Variants in ARMC2 observed in about 807,000 individuals in gnomAD.
The protein encoded by ARMC2 is armadillo repeat containing 2, also known as armadillo repeat-containing protein 2.
Under a neutral mutation model 90.3 loss-of-function variants are expected in ARMC2, and 67 were observed. That is an observed-to-expected ratio of 0.74 (90% CI 0.61 to 0.91). ARMC2 has a LOEUF of 0.91. Ranked by LOEUF, ARMC2 falls within the 40% of genes least tolerant of loss-of-function variation. The pLI is 0.00. For synonymous variants in ARMC2, 393 were observed against 393.0 expected, an observed-to-expected ratio of 1.00 and a Z score of 0.00; for missense variants, 920 against 1,030.9, an observed-to-expected ratio of 0.89 and a Z score of 1.47.
At chr6:108,870,451 GTCCC>G (rs1776264834) in intron 4 of ARMC2, among the ~76,000 whole-genome samples, 1 of 151,746 alleles carries the variant, frequency 6.6e-6, no homozygotes, top group South Asian at 2.1e-4. Flanking sequence ...TGCCTGTGTG[GTCCC>G]TGATGTGGCT....
chr6:108,990,747 G>A, the ARMC2 span: 1 of 1,613,878 alleles, frequency 6.2e-7, no homozygotes, highest in African/African-American at 1.3e-5. Flanking sequence ...AAGATTGTAA[G>A]CAATGTGAAA....
At chr6:108,854,571 A>G in intron 2 of ARMC2, 86 bp downstream of exon 2, 1 of 1,324,394 alleles carries the variant, frequency 7.6e-7, no homozygotes, top group Non-Finnish European at 1.1e-6. Flanking sequence ...GTTAGCTTTT[A>G]AAAATAGACT....
chr6:108,975,150 C>T (rs1241667291), downstream of ARMC2, among the ~76,000 whole-genome samples: 2 of 151,880 alleles, frequency 1.3e-5, no homozygotes, highest in African/African-American at 4.8e-5. Flanking sequence ...TGCTGTCCCT[C>T]CCCTAGCCCC....
the ARMC2 span, chr6:109,009,127 G>C: frequency 1.4e-6 from 1 of 691,272 alleles, no homozygotes; most frequent in Non-Finnish European, 2.0e-6. Context: ...GCCCAGGGAC[G>C]ACTCACGGTG....
chr6:108,878,187 G>A (rs1032146128), intron 5 of ARMC2, among the ~76,000 whole-genome samples: 9 of 152,190 alleles, frequency 5.9e-5, no homozygotes, highest in African/African-American at 2.2e-4. Flanking sequence ...CTTGATAATT[G>A]TTTCTTGTAA....
At chr6:109,003,031 G>A in the ARMC2 span, among the ~76,000 whole-genome samples, 3 of 151,978 alleles carry the variant, frequency 2.0e-5, no homozygotes, top group South Asian at 6.2e-4. Flanking sequence ...TTGACACAGT[G>A]ACTCTAGAAT....
chr6:108,961,478 G>A, intron 13 of ARMC2, 94 bp from the exon 14 acceptor site: 2 of 1,386,152 alleles, frequency 1.4e-6, no homozygotes, highest in South Asian at 1.4e-5. Flanking sequence ...CGTGATCGCA[G>A]CCGGCTCCTG....
intron 10 of ARMC2, among the ~76,000 whole-genome samples, chr6:108,912,999 G>C (rs1487556651): frequency 6.6e-6 from 1 of 152,134 alleles, no homozygotes; most frequent in Non-Finnish European, 1.5e-5. Flanking sequence ...CACTGAGGTG[G>C]GTATGTAGAT....
chr6:109,031,995 T>A, the ARMC2 span, among the ~76,000 whole-genome samples: 2 of 152,226 alleles, frequency 1.3e-5, no homozygotes, highest in African/African-American at 4.8e-5. Flanking sequence ...GTAAATAATT[T>A]TGGCATAAAT....
chr6:108,917,293 A>G (rs541719053), intron 10 of ARMC2, among the ~76,000 whole-genome samples: 1 of 151,722 alleles, frequency 6.6e-6, no homozygotes, highest in Non-Finnish European at 1.5e-5. Context: ...ACACCTCCCT[A>G]GCAGCTCCCG....
intron 10 of ARMC2, among the ~76,000 whole-genome samples, chr6:108,918,674 A>G (rs140709273): frequency 1.3e-4 from 20 of 152,234 alleles, no homozygotes; most frequent in African/African-American, 4.8e-4. Flanking sequence ...AGCCCCCAGC[A>G]TAAGCTGGCC....
chr6:109,025,448 T>C, the ARMC2 span, among the ~76,000 whole-genome samples: 1 of 151,196 alleles, frequency 6.6e-6, no homozygotes, highest in African/African-American at 2.4e-5. Flanking sequence ...AAAAGTACTA[T>C]GCAAAAAGAT....
chr6:108,998,045 G>A, the ARMC2 span, among the ~76,000 whole-genome samples: 2 of 152,156 alleles, frequency 1.3e-5, no homozygotes, highest in Admixed American at 6.5e-5. Flanking sequence ...GAATTCTGAA[G>A]AGAGAAATTT....
At chr6:108,881,009 C>T (rs574479236) in intron 5 of ARMC2, among the ~76,000 whole-genome samples, 53 of 152,146 alleles carry the variant, frequency 3.5e-4, no homozygotes, top group African/African-American at 1.2e-3. Context: ...GCATGTGCCA[C>T]CACGCCAAGC....
At position 108,854,359 on chromosome 6, in the gene ARMC2, G is replaced by A. The variant is rs1414009196; in HGVS notation, c.92G>A (p.Ser31Asn). 1.2e-6 allele frequency: 2 copies of A among 1,612,948 alleles called. No homozygotes were observed. Among genetic ancestry groups the A allele is most frequent in the East Asian group, 2.2e-5 (1 of 44,746 alleles). The change falls in exon 2 of 18, where the codon AGT becomes AAT. Residue 31 changes from serine to asparagine, a missense_variant. Transcript: ENST00000392644. ...SKQKTSAEIISEARNALRTVR... is the reference protein window; with the variant it reads ...SKQKTSAEIINEARNALRTVR... ...CAGAAGACCAGTGCAGAAATCATAA[G>A]TGAAGCAAGAAATGCATTAAGAACA...
chr6:108,994,970 C>T, the ARMC2 span, among the ~76,000 whole-genome samples: 83 of 152,222 alleles, frequency 5.5e-4, no homozygotes, highest in African/African-American at 1.9e-3. Context: ...TTCCAAAGTG[C>T]TGGGATTACA....
chr6:108,989,971 G>C, the ARMC2 span, among the ~76,000 whole-genome samples: 1 of 152,214 alleles, frequency 6.6e-6, no homozygotes, highest in Non-Finnish European at 1.5e-5. Flanking sequence ...AAGTTGGTCA[G>C]CTGTACTTCA....
chr6:108,956,963 G>T (rs1777628505), intron 13 of ARMC2, among the ~76,000 whole-genome samples: 1 of 152,234 alleles, frequency 6.6e-6, no homozygotes, highest in Non-Finnish European at 1.5e-5. Flanking sequence ...TTGCACTCCA[G>T]CATGGGCGAC....
the ARMC2 span, chr6:109,008,666 T>C: frequency 2.5e-5 from 13 of 517,272 alleles, no homozygotes; most frequent in South Asian, 8.3e-5. Context: ...GTTCGAGTTT[T>C]ACCTAAGGTT....
Sources: allele counts gnomAD v4.1 joint callset (sites outside exome capture counted in the v4.1 genomes callset), GRCh38; gene constraint gnomAD v4.1.1; transcripts MANE v1.5; gene names NCBI Gene and HGNC (gene_info 2026-07-23, HGNC 2026-07-21).